RNF175: variants seen among roughly 807,000 people sequenced by gnomAD.
RNF175 encodes ring finger protein 175.
In RNF175, 38 loss-of-function variants were observed where a neutral mutation model predicts 50.0. The observed-to-expected ratio is 0.76, with a 90% CI of 0.59 to 1.00. RNF175 has a LOEUF of 1.00. Ranked by LOEUF, RNF175 falls within the 50% of genes least tolerant of loss-of-function variation. The probability of loss-of-function intolerance (pLI) is 0.00; values close to 1 mark genes in which losing one functional copy is unlikely to be tolerated. For missense variants in RNF175, 388 were observed against 409.6 expected (o/e 0.95, Z 0.46); for synonymous variants, 155 against 146.1 (o/e 1.06, Z -0.44).
intron 6 of RNF175, among the ~76,000 whole-genome samples, chr4:153,718,629 C>CT (rs1408246612): frequency 6.6e-6 from 1 of 152,110 alleles, no homozygotes; most frequent in Non-Finnish European, 1.5e-5. Flanking sequence ...TCTAATCTTC[C>CT]TTTTCTGTCC....
chr4:153,716,157 G>A (rs1407183533), intron 6 of RNF175, among the ~76,000 whole-genome samples: 1 of 152,068 alleles, frequency 6.6e-6, no homozygotes, highest in Non-Finnish European at 1.5e-5. Flanking sequence ...GCTACAGAGG[G>A]GTTAAGGTTT....
intron 4 of RNF175, among the ~76,000 whole-genome samples, chr4:153,725,658 C>T (rs1763511202): frequency 6.6e-6 from 1 of 152,208 alleles, no homozygotes; most frequent in Non-Finnish European, 1.5e-5. Context: ...GGCTTTGCTG[C>T]TTACTGCCCA....
intron 1 of RNF175, among the ~76,000 whole-genome samples, chr4:153,757,839 A>G (rs1740636134): frequency 6.6e-6 from 1 of 151,990 alleles, no homozygotes; most frequent in African/African-American, 2.4e-5. Context: ...GTAGCTGGGG[A>G]GGTGGAGGAT....
intron 3 of RNF175, among the ~76,000 whole-genome samples, chr4:153,743,544 GT>G (rs374653938): frequency 2.6e-5 from 4 of 152,108 alleles, no homozygotes; most frequent in African/African-American, 9.7e-5. Context: ...CTTGACTATG[GT>G]GGGGGCAACT....
rs1362943952 is a variant in RNF175, at chr4:153,710,344, T to C, written c.*25A>G. 3.9e-6 allele frequency: 6 copies of C among 1,535,918 alleles called. No individual in the cohort carries two copies. The highest frequency in any genetic ancestry group is 5.3e-6 in the Non-Finnish European group (6 of 1,135,758). On this transcript the variant is annotated 3_prime_UTR_variant, in exon 9 of 9. Transcript: ENST00000347063. ...TGGACCAAGGATTTCAACCATGCAG[T>C]ATGTTGCTTCTGGGGTCTGCTGTCC... is the stretch of plus-strand genomic sequence containing the variant.
chr4:153,735,774 TTG>T (rs1430531575), intron 3 of RNF175, among the ~76,000 whole-genome samples: 1 of 152,194 alleles, frequency 6.6e-6, no homozygotes, highest in Non-Finnish European at 1.5e-5. Flanking sequence ...GTAAATGGTA[TTG>T]TGTTTTAATT....
intron 3 of RNF175, among the ~76,000 whole-genome samples, chr4:153,736,758 G>C (rs1739372098): frequency 6.6e-6 from 1 of 152,132 alleles, no homozygotes. Context: ...GTCTTTCAAA[G>C]AATTAGCCCA....
chr4:153,728,198 A>T lies in RNF175; in HGVS notation c.401+9T>A. On this transcript the variant is annotated intron_variant, in intron 4 of 8. Coordinates refer to ENST00000347063, the MANE Select transcript of RNF175 (RefSeq NM_173662.4). ...GGGCTCCTGGGGAAGGAATGTATGG[A>T]ATACATACCGTGGTGTCCTTCCTGA... 6 of 1,602,630 alleles carry T rather than the reference A, an allele frequency of 3.7e-6. No individual in the cohort carries two copies. The highest frequency in any genetic ancestry group is 4.3e-6 in the Non-Finnish European group (5 of 1,172,158).
At chr4:153,758,806 CT>C (rs1360556405) in intron 1 of RNF175, among the ~76,000 whole-genome samples, 1 of 152,014 alleles carries the variant, frequency 6.6e-6, no homozygotes, top group African/African-American at 2.4e-5. Context: ...CCATTTGGTA[CT>C]GTTGTTCCCT....
At chr4:153,717,552 CACAT>C (rs1444341052) in intron 6 of RNF175, among the ~76,000 whole-genome samples, 1 of 151,750 alleles carries the variant, frequency 6.6e-6, no homozygotes, top group East Asian at 1.9e-4. Context: ...CACACACACA[CACAT>C]ACATATCTGT....
At chr4:153,736,695 T>A (rs1424982019) in intron 3 of RNF175, among the ~76,000 whole-genome samples, 1 of 152,210 alleles carries the variant, frequency 6.6e-6, no homozygotes, top group Non-Finnish European at 1.5e-5. Context: ...TAAATTGATA[T>A]AGGCCTATTC....
At chr4:153,750,805 G>A (rs371929352) in intron 2 of RNF175, among the ~76,000 whole-genome samples, 23 of 151,580 alleles carry the variant, frequency 1.5e-4, no homozygotes, top group African/African-American at 5.3e-4. Flanking sequence ...TTGAACTTAC[G>A]GCATATAGAT....
At chr4:153,717,565 G>A (rs1407431061) in intron 6 of RNF175, among the ~76,000 whole-genome samples, 1 of 147,704 alleles carries the variant, frequency 6.8e-6, no homozygotes, top group Admixed American at 6.7e-5. Context: ...ATACATATCT[G>A]TAAATATTTC....
At chr4:153,718,395 C>T (rs1037947829) in intron 6 of RNF175, among the ~76,000 whole-genome samples, 1 of 151,932 alleles carries the variant, frequency 6.6e-6, no homozygotes, top group Non-Finnish European at 1.5e-5. Flanking sequence ...CACACACACA[C>T]ACACCCCTTA....
At chr4:153,756,042 A>T (rs1042485435) in intron 1 of RNF175, among the ~76,000 whole-genome samples, 3 of 152,234 alleles carry the variant, frequency 2.0e-5, no homozygotes, top group Non-Finnish European at 2.9e-5. Context: ...AGACATTAAC[A>T]GGAATGCTCC....
rs752011823 is a variant in RNF175, at chr4:153,720,295, A to G, written c.519T>C (p.Ala173=). 1 of 1,612,894 alleles carries G rather than the reference A, an allele frequency of 6.2e-7. No individual in the cohort carries two copies. The stretch of plus-strand genomic sequence containing the variant: ...CAATGCCAAAATCCATGGAATCTCT[A>G]GCTTTGATTCTATTGAAAACAACAG... ...CGFNLFFKIK[A]RDSMDFGIVS... The change falls in exon 6 of 9, where the codon GCT becomes GCC. Residue 173 remains alanine, a synonymous_variant. Coordinates refer to ENST00000347063, the MANE Select transcript of RNF175 (RefSeq NM_173662.4).
chr4:153,726,794 T>C (rs1268681784), intron 4 of RNF175, among the ~76,000 whole-genome samples: 1 of 152,222 alleles, frequency 6.6e-6, no homozygotes, highest in Non-Finnish European at 1.5e-5. Flanking sequence ...CAGTGATGTC[T>C]CTTCAAATGG....
intron 3 of RNF175, among the ~76,000 whole-genome samples, chr4:153,737,379 A>G (rs963755662): frequency 2.0e-5 from 3 of 151,800 alleles, no homozygotes; most frequent in Non-Finnish European, 4.4e-5. Context: ...TTCCTTTTCT[A>G]GTTTCCTCAG....
intron 4 of RNF175, among the ~76,000 whole-genome samples, chr4:153,726,957 C>A (rs972248242): frequency 6.6e-6 from 1 of 152,140 alleles, no homozygotes; most frequent in Non-Finnish European, 1.5e-5. Context: ...GGTAATGAGG[C>A]AGCATTTGGG....
Sources: allele counts gnomAD v4.1 joint callset (sites outside exome capture counted in the v4.1 genomes callset), GRCh38; gene constraint gnomAD v4.1.1; transcripts MANE v1.5; gene names NCBI Gene and HGNC (gene_info 2026-07-23, HGNC 2026-07-21).